ZNF140: variants seen among roughly 807,000 people sequenced by gnomAD.
ZNF140 encodes zinc finger protein 140, also known as zinc finger protein 140 (clone pHZ-39).
A neutral mutation model predicts 12.9 loss-of-function variants in ZNF140; 13 were observed. The observed-to-expected ratio is 1.01, with a 90% CI of 0.66 to 1.60. ZNF140 has a LOEUF of 1.60. ZNF140 is among the 40% of genes most tolerant of loss of function. The pLI, the probability that ZNF140 is intolerant of heterozygous loss-of-function variation, is 0.00. For synonymous variants in ZNF140, 214 were observed against 186.7 expected, an observed-to-expected ratio of 1.15 and a Z score of -1.19; for missense variants, 531 against 548.8, an observed-to-expected ratio of 0.97 and a Z score of 0.32.
At chr12:133,102,147 T>G (rs1470079592) in intron 4 of ZNF140, among the ~76,000 whole-genome samples, 1 of 152,156 alleles carries the variant, frequency 6.6e-6, no homozygotes, top group Admixed American at 6.6e-5. Flanking sequence ...TCTTAATTTT[T>G]TTTCCACCTT....
chr12:133,095,629 C>G (rs558705366), intron 4 of ZNF140, among the ~76,000 whole-genome samples: 40 of 151,532 alleles, frequency 2.6e-4, no homozygotes, highest in African/African-American at 7.8e-4. Context: ...CAGCACCGGC[C>G]TCTGAGTTCC....
At chr12:133,095,833 C>T (rs201504976) in intron 4 of ZNF140, among the ~76,000 whole-genome samples, 17,232 of 144,574 alleles carry the variant, frequency 0.12, 530 homozygotes, top group South Asian at 0.17. Flanking sequence ...AACATCTCAG[C>T]GGAGTAAAGA....
chr12:133,096,093 G>T (rs1160430873), intron 4 of ZNF140, among the ~76,000 whole-genome samples: 1 of 151,558 alleles, frequency 6.6e-6, no homozygotes, highest in Admixed American at 6.6e-5. Context: ...ATCCCACGAG[G>T]CCATATTTCA....
intron 4 of ZNF140, among the ~76,000 whole-genome samples, chr12:133,105,249 C>A (rs1327969327): frequency 6.6e-6 from 1 of 152,186 alleles, no homozygotes; most frequent in Non-Finnish European, 1.5e-5. Flanking sequence ...CTATCCTTCA[C>A]AAATATTTCC....
chr12:133,106,253 A>C lies in ZNF140; in HGVS notation c.976A>C (p.Lys326Gln), dbSNP rs562229137. 122 of 1,614,182 alleles carry C rather than the reference A, an allele frequency of 7.6e-5. 1 individual carries two copies. In the South Asian group the frequency reaches 1.2e-3, roughly 16 times the overall value. Residue 326 changes from lysine (K) to glutamine (Q), a missense_variant, in exon 5 of 5, where the codon AAA (lysine) becomes CAA (glutamine). Lys to Gln is a moderately conservative substitution (Grantham distance 53, BLOSUM62 1). Transcript: ENST00000355557. ...LTRHQSIHTT[K>Q]TPYECNECRK... ...TCGACATCAGAGCATCCATACAACCAAAACCCCGTATGAATGTAATGAATG... is the reference window on the plus strand; with the variant it reads ...TCGACATCAGAGCATCCATACAACCCAAACCCCGTATGAATGTAATGAATG...
At chr12:133,095,717 T>G (rs934686906) in intron 4 of ZNF140, among the ~76,000 whole-genome samples, 1 of 151,624 alleles carries the variant, frequency 6.6e-6, no homozygotes. Flanking sequence ...AAGGAGAAGG[T>G]CAGCAAAAAA....
chr12:133,096,206 G>A (rs1955118556), intron 4 of ZNF140, among the ~76,000 whole-genome samples: 1 of 152,096 alleles, frequency 6.6e-6, no homozygotes, highest in South Asian at 2.1e-4. Flanking sequence ...TGAGACTAGA[G>A]AATGGCGATG....
Position 133,088,077 on chromosome 12 carries a change from T to C in ZNF140, c.232+4516T>C, listed in dbSNP as rs914792968. On this transcript the variant is annotated intron_variant, in intron 4 of 4. Coordinates refer to ENST00000355557, the MANE Select transcript of ZNF140 (RefSeq NM_003440.4). The stretch of plus-strand genomic sequence containing the variant: ...CCCAGGAGGCAGAGGGTGCAGTAAG[T>C]TGAGATCATGCCATTGCACTCCGGC... Among the ~76,000 whole-genome samples the C allele has an allele frequency of 9.2e-5, 14 of 151,720 alleles. 1 individual carries two copies. Among genetic ancestry groups the C allele is most frequent in the Non-Finnish European group, 1.5e-4 (10 of 67,926 alleles).
chr12:133,106,751 G>A lies in ZNF140; in HGVS notation c.*100G>A, dbSNP rs1955615714. The A allele has an allele frequency of 9.0e-7, 1 of 1,105,700 alleles. No homozygotes were observed. 68.5% of individuals were successfully genotyped at this position (1,105,700 alleles called of 1,614,324 possible). On this transcript the variant is annotated 3_prime_UTR_variant, in exon 5 of 5. Transcript: ENST00000355557. ...TCTTGGAAAGAAGCCTTATGTGAAA[G>A]TGATGACTGTGAAGTAATATGGCCC...
chr12:133,099,840 A>G (rs971400506), intron 4 of ZNF140, among the ~76,000 whole-genome samples: 4 of 152,050 alleles, frequency 2.6e-5, no homozygotes, highest in Non-Finnish European at 5.9e-5. Flanking sequence ...CTGGCAACAA[A>G]TTCCTTAAAA....
chr12:133,106,965 A>T lies in ZNF140; in HGVS notation c.*314A>T, dbSNP rs1272745583. On this transcript the variant is annotated 3_prime_UTR_variant, in exon 5 of 5. Transcript: ENST00000355557. ...TACTTTACGTGTGTAAATTCCTACCAGGAAAGAATACATATCCAATAGATT... is the reference window on the plus strand; with the variant it reads ...TACTTTACGTGTGTAAATTCCTACCTGGAAAGAATACATATCCAATAGATT... The T allele has an allele frequency of 1.5e-5, 3 of 200,436 alleles. No individual in the cohort carries two copies. In the South Asian group the frequency reaches 3.3e-4, roughly 22 times the overall value. 12.4% of individuals were successfully genotyped at this position (200,436 alleles called of 1,614,324 possible).
At chr12:133,081,602 C>T in intron 2 of ZNF140, 1 of 454,140 alleles carries the variant, frequency 2.2e-6, no homozygotes. Context: ...GTCCCTTGTT[C>T]CTCCTTTTCA....
At chr12:133,098,361 A>G (rs1178749968) in intron 4 of ZNF140, among the ~76,000 whole-genome samples, 3 of 151,590 alleles carry the variant, frequency 2.0e-5, no homozygotes, top group Non-Finnish European at 2.9e-5. Context: ...CTCAACCTCC[A>G]TAGTAGCTGG....
intron 3 of ZNF140, 53 bp from the exon 4 acceptor site, chr12:133,083,413 C>T: frequency 6.4e-7 from 1 of 1,568,198 alleles, no homozygotes; most frequent in Non-Finnish European, 8.7e-7. Context: ...CCTTTGTGGC[C>T]CCTCTTAGGA....
At chr12:133,096,007 G>A (rs969880221) in intron 4 of ZNF140, among the ~76,000 whole-genome samples, 1 of 150,980 alleles carries the variant, frequency 6.6e-6, no homozygotes, top group Non-Finnish European at 1.5e-5. Context: ...ACTGCAAGAG[G>A]CTTTCCTCTT....
chr12:133,105,498 G>A lies in ZNF140; in HGVS notation c.233-12G>A. On this transcript the variant is annotated splice_polypyrimidine_tract_variant and intron_variant, in intron 4 of 4. Transcript: ENST00000355557. ...AAAAAGAAACATTCACTTTTTTTTT[G>A]GTATCTTTCAGTTTCAGAGTCAAGT... The A allele has an allele frequency of 1.3e-6, 2 of 1,536,678 alleles. No homozygotes were observed. Among genetic ancestry groups the A allele is most frequent in the Non-Finnish European group, 8.7e-7 (1 of 1,143,452 alleles).
Position 133,106,181 on chromosome 12 carries a change from G to T in ZNF140, c.904G>T (p.Glu302Ter), listed in dbSNP as rs144936845. ...TACACATACTGGAGAGAAACCTTATGAATGCATTGAATGTGGGAAGGCATT... is the reference window on the plus strand; with the variant it reads ...TACACATACTGGAGAGAAACCTTATTAATGCATTGAATGTGGGAAGGCATT... ...QITHTGEKPYECIECGKAFRR... is the reference protein window; with the variant it reads ...QITHTGEKPY The change falls in exon 5 of 5, where the codon GAA (glutamate) becomes TAA (stop). Residue 302 changes from glutamate (E) to a stop codon, truncating the protein, a stop_gained. Transcript: ENST00000355557. LOFTEE classifies it low-confidence loss of function (END_TRUNC). The T allele has an allele frequency of 6.2e-6, 10 of 1,614,054 alleles. No homozygotes were observed. In the African/African-American group the frequency reaches 1.3e-4, roughly 22 times the overall value.
chr12:133,083,077 A>T, intron 2 of ZNF140, 26 bp from the exon 3 acceptor site: 1 of 1,614,146 alleles, frequency 6.2e-7, no homozygotes, highest in Non-Finnish European at 8.5e-7. Context: ...CGTGCTGGTC[A>T]TGCAAATATC....
At position 133,106,165 on chromosome 12, in the gene ZNF140, T is replaced by C; in HGVS notation, c.888T>C (p.Thr296=). The change falls in exon 5 of 5, where the codon ACT becomes ACC. Residue 296 remains threonine (T), a synonymous_variant. Coordinates refer to ENST00000355557, the MANE Select transcript of ZNF140 (RefSeq NM_003440.4). ...TCATTCGCCACCAGATTACACATAC[T>C]GGAGAGAAACCTTATGAATGCATTG... The part of the protein sequence containing the change: ...SELIRHQITH[T]GEKPYECIEC... The C allele has an allele frequency of 6.2e-7, 1 of 1,614,206 alleles. No individual in the cohort carries two copies. Among genetic ancestry groups the C allele is most frequent in the Non-Finnish European group, 8.5e-7 (1 of 1,180,034 alleles).
Sources: gnomAD v4.1 joint callset for allele counts (sites outside exome capture counted in the v4.1 genomes callset) on GRCh38, gnomAD v4.1.1 for gene constraint, MANE v1.5 for transcripts, NCBI Gene and HGNC (gene_info 2026-07-23, HGNC 2026-07-21) for gene names.